Variants in RGL3 observed in about 807,000 individuals in gnomAD.
RGL3 encodes ral guanine nucleotide dissociation stimulator-like 3.
Under a neutral mutation model 90.6 loss-of-function variants are expected in RGL3, and 85 were observed. That is an observed-to-expected ratio of 0.94 (90% CI 0.79 to 1.12). RGL3 has a LOEUF of 1.12. Among genes scored for constraint, RGL3 ranks in the 50% most tolerant of loss-of-function variants. The pLI is 0.00. For synonymous variants in RGL3, 408 were observed against 385.5 expected (o/e 1.06, Z -0.68); for missense variants, 1,034 against 939.2 (o/e 1.10, Z -1.32).
chr19:11,399,835 C>G lies in RGL3; in HGVS notation c.1746+20G>C. ...CTGGGTGCCCGCAGGCCCGCATGCA[C>G]ACACAAGCCGTCTTGGTACCTTGGT... is the stretch of plus-strand genomic sequence containing the variant. On this transcript the variant is annotated intron_variant, in intron 16 of 18. Coordinates refer to ENST00000380456, the MANE Select transcript of RGL3 (RefSeq NM_001035223.4). 2 of 1,403,386 alleles carry G rather than the reference C, an allele frequency of 1.4e-6. No individual in the cohort carries two copies. The highest frequency in any genetic ancestry group is 1.9e-6 in the Non-Finnish European group (2 of 1,044,122). The allele number at this position is 1,403,386 out of a possible 1,614,324, so 86.9% of individuals were successfully genotyped here. A position where few individuals can be genotyped will look rare whatever the true frequency, so the allele number is the denominator to read the frequency against.
Position 11,397,541 on chromosome 19 carries a change from G to C in RGL3, c.1803C>G (p.Ser601Arg), listed in dbSNP as rs769971185. The change falls in exon 17 of 19, where the codon AGC becomes AGG. Residue 601 changes from serine (S) to arginine (R), a missense_variant. Coordinates refer to ENST00000380456, the MANE Select transcript of RGL3 (RefSeq NM_001035223.4). ...SPRPFALPLG[S>R]PRIPLPAQQS... ...GCTGCGCCGGGAGGGGGATTCGAGGGCTGCCCAGAGGCAAAGCGAAGGGCC... is the reference window on the plus strand; with the variant it reads ...GCTGCGCCGGGAGGGGGATTCGAGGCCTGCCCAGAGGCAAAGCGAAGGGCC... 1 of 1,610,594 alleles carries C rather than the reference G, an allele frequency of 6.2e-7. No homozygotes were observed. Among genetic ancestry groups the C allele is most frequent in the Non-Finnish European group, 8.5e-7 (1 of 1,178,480 alleles).
intron 1 of RGL3, 41 bp from the exon 2 acceptor site, chr19:11,418,825 G>A: frequency 1.4e-6 from 2 of 1,479,554 alleles, no homozygotes; most frequent in Non-Finnish European, 1.8e-6. Flanking sequence ...AGGGGCACAG[G>A]TCCTGGGGCC....
intron 16 of RGL3, 80 bp downstream of exon 16, chr19:11,399,775 A>C (rs749059511): frequency 1.3e-6 from 1 of 785,126 alleles, no homozygotes; most frequent in South Asian, 2.1e-5. Flanking sequence ...GTGTGTACAC[A>C]TGTGCATGCA....
chr19:11,401,608 C>T (rs1408145791), intron 13 of RGL3, among the ~76,000 whole-genome samples: 1 of 151,952 alleles, frequency 6.6e-6, no homozygotes, highest in Admixed American at 6.6e-5. Context: ...ACTCTGTTAG[C>T]CAGGCTGGTC....
intron 5 of RGL3, among the ~76,000 whole-genome samples, chr19:11,412,536 A>G (rs1181639397): frequency 6.6e-6 from 1 of 152,142 alleles, no homozygotes; most frequent in Non-Finnish European, 1.5e-5. Flanking sequence ...ATAGATGAGC[A>G]TGGTGGTCAT....
chr19:11,395,988 C>G (rs921206228), intron 18 of RGL3, among the ~76,000 whole-genome samples: 81 of 142,132 alleles, frequency 5.7e-4, no homozygotes, highest in African/African-American at 2.1e-3. Flanking sequence ...AGTGCAGTGG[C>G]GTGATCTCAG....
intron 5 of RGL3, among the ~76,000 whole-genome samples, chr19:11,410,395 T>C (rs1418827947): frequency 6.6e-6 from 1 of 152,088 alleles, no homozygotes; most frequent in Non-Finnish European, 1.5e-5. Context: ...TATTAGTTTT[T>C]AGAAGTGGGT....
At chr19:11,418,407 C>G in intron 2 of RGL3, 1 of 517,154 alleles carries the variant, frequency 1.9e-6, no homozygotes, top group Non-Finnish European at 3.4e-6. Context: ...CCAACTCTGC[C>G]GTCCAGTTCT....
intron 9 of RGL3, among the ~76,000 whole-genome samples, chr19:11,403,640 C>CA (rs889376839): frequency 0.14 from 6,855 of 48,586 alleles, 340 homozygotes; most frequent in Non-Finnish European, 0.18. Context: ...AACTCCATCT[C>CA]AAAAAAAAAA....
intron 2 of RGL3, among the ~76,000 whole-genome samples, chr19:11,417,532 G>A (rs1270386288): frequency 2.1e-5 from 3 of 142,046 alleles, no homozygotes; most frequent in Non-Finnish European, 3.0e-5. Flanking sequence ...GTTCAGTGGC[G>A]TGATCTTGGC....
chr19:11,406,234 C>G (rs1302336935), intron 7 of RGL3, among the ~76,000 whole-genome samples, 185 bp downstream of exon 7: 1 of 152,098 alleles, frequency 6.6e-6, no homozygotes, highest in Non-Finnish European at 1.5e-5. Context: ...GGGACCTAGT[C>G]GTGCCCGCGG....
intron 4 of RGL3, 98 bp from the exon 5 acceptor site, chr19:11,416,246 T>A (rs1230450304): frequency 1.8e-4 from 154 of 836,940 alleles, no homozygotes; most frequent in Middle Eastern, 3.7e-4. Flanking sequence ...TGAGATAGAG[T>A]CTTACTGTGT....
intron 18 of RGL3, 170 bp from the exon 19 acceptor site, chr19:11,394,690 C>T (rs2144711412): frequency 3.4e-6 from 2 of 595,762 alleles, no homozygotes. Flanking sequence ...TGGACGACTT[C>T]TCACTTGAAA....
chr19:11,402,115 G>T lies in RGL3; in HGVS notation c.1380C>A (p.Ala460=), dbSNP rs932835365. The change falls in exon 13 of 19, where the codon GCC becomes GCA. Residue 460 remains alanine (A), a synonymous_variant. Coordinates refer to ENST00000380456, the MANE Select transcript of RGL3 (RefSeq NM_001035223.4). ...EKRRKEWEIL[A]RIQQLQRRCQ... ...AGCGCCTCTGCAGCTGCTGGATGCG[G>T]GCCAGGATCTCCCACTCCTGGAGGA... 6.2e-7 allele frequency: 1 copy of T among 1,606,368 alleles called. No homozygotes were observed. The highest frequency in any genetic ancestry group is 1.1e-5 in the South Asian group (1 of 89,882).
intron 18 of RGL3, 45 bp from the exon 19 acceptor site, chr19:11,394,565 T>C: frequency 1.4e-6 from 2 of 1,462,066 alleles, no homozygotes; most frequent in South Asian, 1.1e-5. Flanking sequence ...CACAACCTTG[T>C]GTCACCCCCA....
chr19:11,397,948 G>T (rs1968607108), intron 16 of RGL3, among the ~76,000 whole-genome samples: 1 of 152,096 alleles, frequency 6.6e-6, no homozygotes, highest in South Asian at 2.1e-4. Flanking sequence ...GGCAGAGGTT[G>T]CAGTGAGCCA....
At chr19:11,396,154 ATATATTT>A (rs1968566357) in intron 18 of RGL3, among the ~76,000 whole-genome samples, 8 of 65,886 alleles carry the variant, frequency 1.2e-4, no homozygotes, top group Admixed American at 7.3e-4. Flanking sequence ...ATATATATAT[ATATATTT>A]TTTTTTTTTT....
intron 9 of RGL3, among the ~76,000 whole-genome samples, chr19:11,403,463 A>T (rs1055392681): frequency 1.3e-5 from 2 of 150,010 alleles, no homozygotes; most frequent in African/African-American, 4.9e-5. Context: ...ACAGAGTGAA[A>T]CTCTGTTTCT....
chr19:11,403,775 C>A (rs1196107890), intron 9 of RGL3, among the ~76,000 whole-genome samples: 2 of 152,020 alleles, frequency 1.3e-5, no homozygotes, highest in Admixed American at 1.3e-4. Context: ...TGGGTAGTGG[C>A]CCCCAGGGCT....
Sources: allele counts gnomAD v4.1 joint callset (sites outside exome capture counted in the v4.1 genomes callset), GRCh38; gene constraint gnomAD v4.1.1; transcripts MANE v1.5; gene names NCBI Gene and HGNC (gene_info 2026-07-23, HGNC 2026-07-21).